Variants in STAG1 observed in about 807,000 individuals in gnomAD.
STAG1 encodes the protein cohesin subunit SA-1.
In STAG1, 26 loss-of-function variants were observed where a neutral mutation model predicts 170.9. The ratio of observed to expected loss-of-function variants is 0.15; its 90% CI spans 0.11 to 0.21. STAG1 has a LOEUF of 0.21. STAG1 is among the 10% of genes least tolerant of loss of function. The probability of loss-of-function intolerance (pLI) is 1.00; values close to 1 mark genes in which losing one functional copy is unlikely to be tolerated. For missense variants in STAG1, 964 were observed against 1,509.5 expected, an observed-to-expected ratio of 0.64 and a Z score of 5.99; for synonymous variants, 514 against 497.7, an observed-to-expected ratio of 1.03 and a Z score of -0.44.
Position 136,367,023 on chromosome 3 carries a change from G to T in STAG1, c.2605C>A (p.Leu869Ile). 1 of 1,610,742 alleles carries T rather than the reference G, an allele frequency of 6.2e-7. No individual in the cohort carries two copies. The highest frequency in any genetic ancestry group is 8.5e-7 in the Non-Finnish European group (1 of 1,177,592). The stretch of plus-strand genomic sequence containing the variant: ...ATGATAAGTTTGCTGAAAGCAGCAA[G>T]TAGATTCCTTCTTTTATGTAAGGCC... ...IEALHKRRNLLAAFSKLIIYD... is the reference protein window; with the variant it reads ...IEALHKRRNLIAAFSKLIIYD... The change falls in exon 25 of 34, where the codon CTT becomes ATT. Residue 869 changes from leucine (L) to isoleucine (I), a missense_variant. Around this residue, in one of 11 missense-constraint regions of STAG1, gnomAD observed 149 missense variants for 301.3 expected, o/e 0.49. Transcript: ENST00000383202.
chr3:136,662,788 C>T (rs1352890434), intron 1 of STAG1, among the ~76,000 whole-genome samples: 1 of 152,160 alleles, frequency 6.6e-6, no homozygotes, highest in African/African-American at 2.4e-5. Flanking sequence ...TGGTCGCTAA[C>T]ATCTGTTAAT....
chr3:136,376,087 A>G (rs887396905), intron 23 of STAG1, among the ~76,000 whole-genome samples: 16 of 151,020 alleles, frequency 1.1e-4, no homozygotes, highest in African/African-American at 3.4e-4. Flanking sequence ...GTATTTCTCC[A>G]TAAGTAGTGT....
chr3:136,564,013 A>T (rs376185972), intron 5 of STAG1, among the ~76,000 whole-genome samples: 1 of 151,474 alleles, frequency 6.6e-6, no homozygotes, highest in Non-Finnish European at 1.5e-5. Flanking sequence ...ACAGAATAAG[A>T]CTGTCTCGAA....
intron 1 of STAG1, among the ~76,000 whole-genome samples, chr3:136,632,437 A>C (rs1401096296): frequency 6.6e-6 from 1 of 152,090 alleles, no homozygotes; most frequent in Non-Finnish European, 1.5e-5. Flanking sequence ...AGCAGATCAA[A>C]CTCTTGGTGC....
chr3:136,705,415 AC>A (rs1559962309), intron 1 of STAG1, among the ~76,000 whole-genome samples: 79 of 141,616 alleles, frequency 5.6e-4, no homozygotes, highest in African/African-American at 1.8e-3. Flanking sequence ...ACACACACAC[AC>A]ACACACACAA....
intron 1 of STAG1, among the ~76,000 whole-genome samples, chr3:136,735,223 T>C (rs1934266891): frequency 6.6e-6 from 1 of 152,054 alleles, no homozygotes; most frequent in African/African-American, 2.4e-5. Context: ...CCTCCTGGGT[T>C]CAAGCCATCC....
chr3:136,486,836 C>T (rs2090022647), intron 9 of STAG1, among the ~76,000 whole-genome samples: 2 of 151,992 alleles, frequency 1.3e-5, no homozygotes, highest in African/African-American at 2.4e-5. Flanking sequence ...CTTACCTTTA[C>T]GTCTTCAGCA....
intron 1 of STAG1, among the ~76,000 whole-genome samples, chr3:136,701,253 A>G (rs1943051186): frequency 6.6e-6 from 1 of 152,068 alleles, no homozygotes; most frequent in Non-Finnish European, 1.5e-5. Flanking sequence ...AACTCTGAAT[A>G]TTGTCCTTAT....
intron 1 of STAG1, among the ~76,000 whole-genome samples, chr3:136,724,282 T>G (rs185550414): frequency 6.2e-4 from 94 of 152,188 alleles, no homozygotes; most frequent in African/African-American, 2.2e-3. Flanking sequence ...TGCCTTGTGA[T>G]CCTGTTGATC....
At chr3:136,559,932 T>G (rs1013427608) in intron 5 of STAG1, among the ~76,000 whole-genome samples, 1 of 152,356 alleles carries the variant, frequency 6.6e-6, no homozygotes, top group East Asian at 1.9e-4. Flanking sequence ...TTTTCAATTA[T>G]GTATGTCATT....
chr3:136,555,828 T>G (rs1351239203), intron 5 of STAG1, among the ~76,000 whole-genome samples: 1 of 150,496 alleles, frequency 6.6e-6, no homozygotes, highest in Non-Finnish European at 1.5e-5. Flanking sequence ...TGGAAAGAAA[T>G]AATTCCAAAA....
intron 14 of STAG1, among the ~76,000 whole-genome samples, chr3:136,450,831 C>T (rs1454536498): frequency 1.3e-5 from 2 of 152,226 alleles, no homozygotes; most frequent in South Asian, 2.1e-4. Flanking sequence ...TGCATGCAAC[C>T]TCTGCCTCCT....
At chr3:136,491,358 G>T (rs948420740) in intron 9 of STAG1, among the ~76,000 whole-genome samples, 1 of 152,050 alleles carries the variant, frequency 6.6e-6, no homozygotes, top group Non-Finnish European at 1.5e-5. Context: ...TATCAGAAAG[G>T]TCCGTCCATA....
chr3:136,597,404 T>G (rs1205320138), intron 4 of STAG1, among the ~76,000 whole-genome samples: 6 of 152,324 alleles, frequency 3.9e-5, no homozygotes, highest in Non-Finnish European at 1.5e-5. Context: ...CAAAGGAGAA[T>G]CTGTACACAG....
intron 12 of STAG1, among the ~76,000 whole-genome samples, chr3:136,466,710 C>A (rs943791605): frequency 2.6e-5 from 4 of 151,972 alleles, no homozygotes; most frequent in Non-Finnish European, 4.4e-5. Context: ...GTCAGATTCA[C>A]CAAAGTTGAA....
At chr3:136,734,886 TTA>T (rs1463805937) in intron 1 of STAG1, among the ~76,000 whole-genome samples, 1 of 152,136 alleles carries the variant, frequency 6.6e-6, no homozygotes, top group African/African-American at 2.4e-5. Flanking sequence ...AACCTGGACA[TTA>T]TGTTAAGTGA....
At chr3:136,585,981 CAT>C (rs1393235220) in intron 4 of STAG1, among the ~76,000 whole-genome samples, 2 of 152,188 alleles carry the variant, frequency 1.3e-5, no homozygotes, top group Non-Finnish European at 2.9e-5. Context: ...TAAGAAATCT[CAT>C]TTATACCTGG....
At chr3:136,342,386 TCAGCTCACTACAACCTCTGCCTCC>T in intron 30 of STAG1, among the ~76,000 whole-genome samples, 1 of 152,052 alleles carries the variant, frequency 6.6e-6, no homozygotes, top group African/African-American at 2.4e-5. Flanking sequence ...TGGCATGATC[TCAGCTCACTACAACCTCTGCCTCC>T]CAGGCTCCAG....
At position 136,515,380 on chromosome 3, in the gene STAG1, A is replaced by G. The variant is rs73226199; in HGVS notation, c.676+5833T>C. ...ACTCCATCTCAAAAACAACAACAAC[A>G]AACAACATTAGACAATTACTAAGTG... On this transcript the variant is annotated intron_variant, in intron 7 of 33. Coordinates refer to ENST00000383202, the MANE Select transcript of STAG1 (RefSeq NM_005862.3). Among the ~76,000 whole-genome samples the G allele has an allele frequency of 6.2e-3, 946 of 152,286 alleles. 4 individuals are homozygous for G. Among genetic ancestry groups the G allele is most frequent in the Non-Finnish European group, 0.011 (746 of 68,014 alleles).
Sources: allele counts gnomAD v4.1 joint callset (sites outside exome capture counted in the v4.1 genomes callset), GRCh38; gene constraint gnomAD v4.1.1; regional missense constraint gnomAD v4.1.1; transcripts MANE v1.5; gene names NCBI Gene and HGNC (gene_info 2026-07-23, HGNC 2026-07-21).